MEF2A: variants seen among roughly 807,000 people sequenced by gnomAD.
MEF2A encodes the protein myocyte enhancer factor 2A.
MEF2A carries 28 observed loss-of-function variants against 55.8 expected under a neutral mutation model. The observed-to-expected ratio is 0.50, with a 90% CI of 0.37 to 0.69. The LOEUF is 0.69. Among genes scored for constraint, MEF2A ranks in the 30% least tolerant of loss-of-function variants. MEF2A has a pLI of 0.00. For missense variants in MEF2A, 528 were observed against 626.2 expected (o/e 0.84, Z 1.67); for synonymous variants, 239 against 227.1 (o/e 1.05, Z -0.47).
chr15:99,595,756 C>T (rs890191163), intron 1 of MEF2A, among the ~76,000 whole-genome samples: 5 of 152,244 alleles, frequency 3.3e-5, no homozygotes, highest in South Asian at 4.1e-4. Context: ...TCACAGAACG[C>T]GTCATTGAAG....
intron 8 of MEF2A, among the ~76,000 whole-genome samples, chr15:99,698,108 A>G (rs2056784408): frequency 6.6e-6 from 1 of 152,238 alleles, no homozygotes; most frequent in Admixed American, 6.5e-5. Flanking sequence ...ACCCAAATTT[A>G]AAACAGGAAA....
chr15:99,610,861 A>G (rs1977009563), intron 2 of MEF2A, among the ~76,000 whole-genome samples: 1 of 152,254 alleles, frequency 6.6e-6, no homozygotes, highest in Non-Finnish European at 1.5e-5. Context: ...TTTCTTAGAA[A>G]TAACATCAGA....
intron 2 of MEF2A, among the ~76,000 whole-genome samples, chr15:99,603,620 C>T (rs958018337): frequency 4.7e-5 from 7 of 149,404 alleles, no homozygotes; most frequent in African/African-American, 1.2e-4. Flanking sequence ...AGGCTGGTCT[C>T]GAACTGCTGA....
At position 99,712,497 on chromosome 15, in the gene MEF2A, C is replaced by T. The variant is rs369579124; in HGVS notation, c.1244C>T (p.Ser415Leu). The change falls in exon 12 of 12, where the codon TCG becomes TTG. Residue 415 changes from serine to leucine, a missense_variant. By Grantham distance (145) the Ser-to-Leu change is moderately radical. Coordinates refer to ENST00000557942, the MANE Select transcript of MEF2A (RefSeq NM_001319206.4). The surrounding 1 kb of genome is among the most constrained non-coding windows in gnomAD (Gnocchi z 4.1). ...ISPPRDRMTPSGFQQQQQQQQ... is the reference protein window; with the variant it reads ...ISPPRDRMTPLGFQQQQQQQQ... ...CCTCCTCGGGATCGTATGACCCCAT[C>T]GGGCTTCCAGCAGCAGCAGCAGCAG... The T allele has an allele frequency of 2.5e-5, 38 of 1,546,280 alleles. No individual in the cohort carries two copies. The Middle Eastern group carries it at 8.4e-4, about 34-fold the overall frequency.
Position 99,716,459 on chromosome 15 carries a change from T to A in MEF2A, c.*3688T>A, listed in dbSNP as rs1016534290. On this transcript the variant is annotated 3_prime_UTR_variant, in exon 12 of 12. Transcript: ENST00000557942. ...TAAACTGTTTGTCTCCCGCACTCAC[T>A]CCAGTAAAGACGGACTGGCTCTTCC... is the stretch of plus-strand genomic sequence containing the variant. 2.2e-6 allele frequency: 1 copy of A among 456,642 alleles called. No individual in the cohort carries two copies. Among genetic ancestry groups the A allele is most frequent in the African/African-American group, 2.0e-5 (1 of 50,078 alleles). The allele number at this position is 456,642 out of a possible 1,614,324, so 28.3% of individuals were successfully genotyped here.
intron 2 of MEF2A, among the ~76,000 whole-genome samples, chr15:99,611,345 A>G (rs1410183921): frequency 6.6e-6 from 1 of 152,238 alleles, no homozygotes; most frequent in African/African-American, 2.4e-5. Flanking sequence ...CATCGCAACA[A>G]TGAAAAGACA....
chr15:99,597,022 A>G (rs1231642326), intron 1 of MEF2A, among the ~76,000 whole-genome samples: 1 of 152,234 alleles, frequency 6.6e-6, no homozygotes, highest in Non-Finnish European at 1.5e-5. Flanking sequence ...AGGACCCTGT[A>G]ATAATTGCAT....
At position 99,663,141 on chromosome 15, in the gene MEF2A, C is replaced by T. The variant is rs941982632; in HGVS notation, c.259-8182C>T. On this transcript the variant is annotated intron_variant, in intron 4 of 11. Coordinates refer to ENST00000557942, the MANE Select transcript of MEF2A (RefSeq NM_001319206.4). ...GTGCAGGCATGGGCTCTAGCAGATA[C>T]TCCAGCAGTATAGGCTCTTCGATCC... Among the ~76,000 whole-genome samples the T allele has an allele frequency of 4.0e-5, 6 of 151,782 alleles. No homozygotes were observed. In the South Asian group the frequency reaches 1.0e-3, roughly 26 times the overall value.
chr15:99,703,416 GA>G (rs1567493911), intron 9 of MEF2A, 31 bp downstream of exon 9: 14 of 1,584,848 alleles, frequency 8.8e-6, no homozygotes, highest in Admixed American at 7.5e-5. Context: ...GAAGGAAGTT[GA>G]AAAAGATGTA....
chr15:99,656,786 TG>T (rs2047792165), intron 4 of MEF2A, among the ~76,000 whole-genome samples: 1 of 152,304 alleles, frequency 6.6e-6, no homozygotes, highest in South Asian at 2.1e-4. Flanking sequence ...TTAACTTTTT[TG>T]CTCTTCTTTT....
chr15:99,624,884 CCTT>C (rs991647218), intron 2 of MEF2A, among the ~76,000 whole-genome samples: 3 of 152,092 alleles, frequency 2.0e-5, no homozygotes, highest in African/African-American at 7.2e-5. Flanking sequence ...ACCTTCACCT[CCTT>C]GTTTCATTTT....
intron 1 of MEF2A, among the ~76,000 whole-genome samples, chr15:99,596,580 A>C (rs972659994): frequency 2.0e-5 from 3 of 152,200 alleles, no homozygotes; most frequent in African/African-American, 7.2e-5. Context: ...TCAGATTCAA[A>C]AGATTGGTGT....
At chr15:99,633,835 T>G (rs1419427818) in intron 3 of MEF2A, among the ~76,000 whole-genome samples, 1 of 152,250 alleles carries the variant, frequency 6.6e-6, no homozygotes, top group Non-Finnish European at 1.5e-5. Context: ...CATCTGTTAT[T>G]GTAAATAAAG....
intron 10 of MEF2A, among the ~76,000 whole-genome samples, chr15:99,710,135 GAA>G (rs2153822602): frequency 6.6e-6 from 1 of 152,312 alleles, no homozygotes; most frequent in East Asian, 1.9e-4. Context: ...CCCAGACAAA[GAA>G]ATATTGCTAG....
At chr15:99,607,380 T>A (rs934555738) in intron 2 of MEF2A, among the ~76,000 whole-genome samples, 1 of 152,214 alleles carries the variant, frequency 6.6e-6, no homozygotes, top group South Asian at 2.1e-4. Flanking sequence ...ATCTCTGATA[T>A]ATACTCAAAA....
chr15:99,603,893 T>G (rs1228232680), intron 2 of MEF2A, among the ~76,000 whole-genome samples: 1 of 152,212 alleles, frequency 6.6e-6, no homozygotes, highest in Non-Finnish European at 1.5e-5. Flanking sequence ...TTATTTTTCC[T>G]TTTACTGGTT....
At chr15:99,620,028 A>G (rs2040867197) in intron 2 of MEF2A, among the ~76,000 whole-genome samples, 1 of 152,246 alleles carries the variant, frequency 6.6e-6, no homozygotes, top group Non-Finnish European at 1.5e-5. Flanking sequence ...AAAAGCATCC[A>G]TTAGTTCTTG....
chr15:99,715,544 C>G lies in MEF2A; in HGVS notation c.*2773C>G, dbSNP rs2059066621. On this transcript the variant is annotated 3_prime_UTR_variant, in exon 12 of 12. Transcript: ENST00000557942. ...GAGCATATGGACTTGACAGACATCT[C>G]TCACCCAGACGCCCACGTGTGAACA... The G allele has an allele frequency of 1.3e-5, 2 of 152,212 alleles. No individual in the cohort carries two copies. The highest frequency in any genetic ancestry group is 2.4e-5 in the African/African-American group (1 of 41,442). 9.4% of individuals were successfully genotyped at this position (152,212 alleles called of 1,614,324 possible). A position where few individuals can be genotyped will look rare whatever the true frequency, so the allele number is the denominator to read the frequency against.
At chr15:99,694,388 AT>A (rs1390917885) in intron 8 of MEF2A, among the ~76,000 whole-genome samples, 1 of 152,134 alleles carries the variant, frequency 6.6e-6, no homozygotes, top group African/African-American at 2.4e-5. Flanking sequence ...CAGATTTCAG[AT>A]TTTTTCAAGT....
Sources: allele counts gnomAD v4.1 joint callset (sites outside exome capture counted in the v4.1 genomes callset), GRCh38; gene constraint gnomAD v4.1.1; non-coding constraint Gnocchi (gnomAD v3.1); transcripts MANE v1.5; gene names NCBI Gene and HGNC (gene_info 2026-07-23, HGNC 2026-07-21).